The following ADAMTS18 variants were observed in gnomAD, a reference collection of about 807,000 sequenced individuals.
The protein encoded by ADAMTS18 is ADAM metallopeptidase with thrombospondin type 1 motif 18.
A neutral mutation model predicts 165.9 loss-of-function variants in ADAMTS18; 157 were observed. That is an observed-to-expected ratio of 0.95 (90% confidence interval 0.83 to 1.08). ADAMTS18 has a LOEUF of 1.08. Among genes scored for constraint, ADAMTS18 ranks in the 50% least tolerant of loss-of-function variants. ADAMTS18 has a pLI of 0.00. For synonymous variants in ADAMTS18, 782 were observed against 578.2 expected, an observed-to-expected ratio of 1.35 and a Z score of -5.06; for missense variants, 2,040 against 1,534.0, an observed-to-expected ratio of 1.33 and a Z score of -5.51.
chr16:77,431,571 C>T lies in ADAMTS18; in HGVS notation c.219G>A (p.Gly73=), dbSNP rs199998944. Residue 73 remains glycine, a synonymous_variant, in exon 3 of 23, where the codon GGG becomes GGA. Coordinates refer to ENST00000282849, the MANE Select transcript of ADAMTS18 (RefSeq NM_199355.4). ...FVTPVEVDSA[G]SYISHDILHN... Reference sequence around the variant, plus strand: ...GCAAAATGTCGTGTGAAATATATGACCCGGCTGAGTCTACTTCTACTGGCG... The same window carrying T: ...GCAAAATGTCGTGTGAAATATATGATCCGGCTGAGTCTACTTCTACTGGCG... 3 of 1,614,158 alleles carry T rather than the reference C, an allele frequency of 1.9e-6. No individual in the cohort carries two copies. In the South Asian group the frequency reaches 3.3e-5, roughly 18 times the overall value.
In ADAMTS18 at chr16:77,282,904, C is replaced by CTTTTTTTTTT. The variant is rs1331401019; in HGVS notation, c.*1051_*1052insAAAAAAAAAA. ...TACCACTGTTTACTCCTTTCTTTCT[C>CTTTTTTTTTT]TCTTTTTTTTTTTTTTTTTTTTGCT... On this transcript the variant is annotated 3_prime_UTR_variant, in exon 23 of 23. Transcript: ENST00000282849. 63 of 77,698 alleles carry CTTTTTTTTTT rather than the reference C, an allele frequency of 8.1e-4. No homozygotes were observed. Among genetic ancestry groups the CTTTTTTTTTT allele is most frequent in the Non-Finnish European group, 1.3e-3 (48 of 36,908 alleles). 4.8% of individuals were successfully genotyped at this position (77,698 alleles called of 1,614,324 possible).
chr16:77,332,784 C>G (rs1414449707), intron 12 of ADAMTS18, among the ~76,000 whole-genome samples: 1 of 152,138 alleles, frequency 6.6e-6, no homozygotes, highest in Non-Finnish European at 1.5e-5. Flanking sequence ...CACAGGTGAC[C>G]ACAGGCCAAT....
chr16:77,422,932 G>T (rs1433094818), intron 3 of ADAMTS18, among the ~76,000 whole-genome samples: 5 of 152,170 alleles, frequency 3.3e-5, no homozygotes, highest in Non-Finnish European at 7.3e-5. Flanking sequence ...TCCCAGAGAG[G>T]TTCAGGCAGT....
At chr16:77,424,755 A>T (rs1239125054) in intron 3 of ADAMTS18, among the ~76,000 whole-genome samples, 1 of 152,220 alleles carries the variant, frequency 6.6e-6, no homozygotes, top group Non-Finnish European at 1.5e-5. Context: ...CTAAGAAAAC[A>T]TCACTGATTT....
chr16:77,402,268 G>T (rs371503182), intron 3 of ADAMTS18, among the ~76,000 whole-genome samples: 1 of 152,146 alleles, frequency 6.6e-6, no homozygotes, highest in African/African-American at 2.4e-5. Context: ...CACAAAATAT[G>T]ACCCATCACT....
intron 6 of ADAMTS18, among the ~76,000 whole-genome samples, chr16:77,363,073 CAGA>C (rs539185410): frequency 5.1e-4 from 78 of 152,216 alleles, no homozygotes; most frequent in Non-Finnish European, 9.1e-4. Context: ...ACTGGCGTTA[CAGA>C]AGAAGAGGAA....
intron 12 of ADAMTS18, among the ~76,000 whole-genome samples, chr16:77,334,801 ACTATAG>A (rs2056275912): frequency 1.8e-5 from 2 of 113,304 alleles, no homozygotes; most frequent in South Asian, 2.6e-4. Context: ...TATACTATAT[ACTATAG>A]TATACAGTAT....
intron 3 of ADAMTS18, among the ~76,000 whole-genome samples, chr16:77,420,107 T>C (rs893639378): frequency 4.0e-5 from 6 of 150,104 alleles, no homozygotes; most frequent in South Asian, 2.2e-4. Context: ...ATCTCCACTT[T>C]ACAGACGAGC....
At chr16:77,397,628 T>G (rs915056060) in intron 3 of ADAMTS18, among the ~76,000 whole-genome samples, 1 of 152,186 alleles carries the variant, frequency 6.6e-6, no homozygotes, top group Non-Finnish European at 1.5e-5. Context: ...AAAATAGGAT[T>G]TATACAAAAA....
rs780103960 is a variant in ADAMTS18 at position 77,320,039 on chromosome 16, T to A, written c.2342A>T (p.Glu781Val). The A allele has an allele frequency of 6.8e-6, 11 of 1,614,136 alleles. No individual in the cohort carries two copies. The highest frequency in any genetic ancestry group is 8.5e-7 in the Non-Finnish European group (1 of 1,180,024). The change falls in exon 16 of 23, where the codon GAG becomes GTG. Residue 781 changes from glutamate (E) to valine (V), a missense_variant. Glu to Val is a moderately radical substitution (Grantham distance 121). Transcript: ENST00000282849. ...GAGGTAACTGGAGGAAACCTGCAGC[T>A]CCTGGATTTCGATGCTTCGGGCGCC... ...PAGARSIEIQ[E>V]LQVSSSYLAV... is the part of the protein sequence containing the mutation.
intron 4 of ADAMTS18, among the ~76,000 whole-genome samples, chr16:77,365,069 G>C (rs990310686): frequency 6.6e-6 from 1 of 152,092 alleles, no homozygotes; most frequent in Admixed American, 6.6e-5. Flanking sequence ...TCACCCCACT[G>C]CAGTCCATAA....
chr16:77,425,111 T>C (rs2057654994), intron 3 of ADAMTS18, among the ~76,000 whole-genome samples: 1 of 152,112 alleles, frequency 6.6e-6, no homozygotes, highest in South Asian at 2.1e-4. Context: ...TCCAATTGTT[T>C]CCAAAGTTCT....
intron 3 of ADAMTS18, among the ~76,000 whole-genome samples, chr16:77,383,236 G>A (rs982297228): frequency 7.9e-5 from 12 of 151,884 alleles, no homozygotes; most frequent in South Asian, 2.1e-4. Flanking sequence ...CCAAAGCATC[G>A]CTTTTAACGG....
chr16:77,364,801 G>C (rs2056769680), intron 4 of ADAMTS18, among the ~76,000 whole-genome samples: 1 of 151,786 alleles, frequency 6.6e-6, no homozygotes, highest in South Asian at 2.1e-4. Flanking sequence ...GCAAAGGAAA[G>C]AAAAGAAGAG....
chr16:77,388,056 G>A (rs955529696), intron 3 of ADAMTS18, among the ~76,000 whole-genome samples: 1 of 152,182 alleles, frequency 6.6e-6, no homozygotes, highest in Non-Finnish European at 1.5e-5. Flanking sequence ...TCTGGTAGAA[G>A]CTGTAGGCAC....
At chr16:77,413,466 G>A (rs959669888) in intron 3 of ADAMTS18, among the ~76,000 whole-genome samples, 1 of 152,134 alleles carries the variant, frequency 6.6e-6, no homozygotes, top group African/African-American at 2.4e-5. Context: ...AAATCCATTT[G>A]AGTAGAAATA....
chr16:77,291,554 A>C (rs2055365356), intron 20 of ADAMTS18, 76 bp from the exon 21 acceptor site: 1 of 1,410,932 alleles, frequency 7.1e-7, no homozygotes, highest in South Asian at 1.1e-5. Flanking sequence ...GTTTGACATA[A>C]GGTTGCACCA....
intron 10 of ADAMTS18, among the ~76,000 whole-genome samples, chr16:77,352,126 C>T (rs566094429): frequency 5.9e-5 from 9 of 151,984 alleles, no homozygotes; most frequent in Non-Finnish European, 1.2e-4. Context: ...GAATGACATC[C>T]GGAAAATTTT....
At chr16:77,432,964 T>G (rs2057756045) in intron 2 of ADAMTS18, among the ~76,000 whole-genome samples, 1 of 152,188 alleles carries the variant, frequency 6.6e-6, no homozygotes, top group Admixed American at 6.5e-5. Flanking sequence ...ACTCCCATTT[T>G]TCTTCTTGAC....
Sources: allele counts gnomAD v4.1 joint callset (sites outside exome capture counted in the v4.1 genomes callset), GRCh38; gene constraint gnomAD v4.1.1; transcripts MANE v1.5; gene names NCBI Gene and HGNC (gene_info 2026-07-23, HGNC 2026-07-21).